OR9Q1: variants seen among roughly 807,000 people sequenced by gnomAD.
The protein encoded by OR9Q1 is olfactory receptor family 9 subfamily Q member 1, also known as olfactory receptor 9Q1.
For missense variants in OR9Q1, 374 were observed against 378.8 expected, an observed-to-expected ratio of 0.99 and a Z score of 0.11; for synonymous variants, 153 against 148.6, an observed-to-expected ratio of 1.03 and a Z score of -0.22.
intron 1 of OR9Q1, among the ~76,000 whole-genome samples, chr11:58,026,458 G>C (rs1021334080): frequency 4.6e-5 from 7 of 152,048 alleles, no homozygotes; most frequent in Non-Finnish European, 8.8e-5. Context: ...GAGGTGAGTG[G>C]ATCATTTGAG....
At chr11:58,125,672 A>T (rs777102924) in intron 2 of OR9Q1, 7 of 152,214 alleles carry the variant, frequency 4.6e-5, no homozygotes, top group Non-Finnish European at 8.8e-5. Context: ...GACCTGGGAC[A>T]GCCCCTGGGA....
intron 2 of OR9Q1, among the ~76,000 whole-genome samples, chr11:58,136,432 C>G (rs934420356): frequency 2.0e-5 from 3 of 152,150 alleles, no homozygotes; most frequent in Admixed American, 1.3e-4. Context: ...ATTTTCCCAG[C>G]AACTCAGTTG....
intron 2 of OR9Q1, among the ~76,000 whole-genome samples, chr11:58,120,568 CACTGA>C (rs1446873524): frequency 2.0e-5 from 3 of 151,766 alleles, no homozygotes; most frequent in Non-Finnish European, 4.4e-5. Flanking sequence ...GAGCAGTATA[CACTGA>C]ACTCAATTTG....
At position 58,180,343 on chromosome 11, in the gene OR9Q1, T is replaced by A; in HGVS notation, c.899T>A (p.Leu300Gln). 6.3e-7 allele frequency: 1 copy of A among 1,597,592 alleles called. No individual in the cohort carries two copies. Among genetic ancestry groups the A allele is most frequent in the African/African-American group, 1.3e-5 (1 of 74,612 alleles). The part of the protein sequence containing the change: ...SLRNKEVKEA[L>Q]RKILNRAKLS ...AGGAACAAGGAAGTGAAGGAGGCCC[T>A]GAGAAAAATTCTCAATAGAGCCAAG... The change falls in exon 3 of 3, where the codon CTG becomes CAG. Residue 300 changes from leucine to glutamine, a missense_variant. Leu to Gln is a moderately radical substitution (Grantham distance 113). Coordinates refer to ENST00000335397, the MANE Select transcript of OR9Q1 (RefSeq NM_001005212.4).
chr11:58,119,150 C>A (rs577652470), intron 2 of OR9Q1: 1 of 1,613,978 alleles, frequency 6.2e-7, no homozygotes, highest in Admixed American at 1.7e-5. Context: ...AAGAACTGGG[C>A]AGCACAGTGG....
At chr11:58,121,397 T>C (rs1324053206) in intron 2 of OR9Q1, among the ~76,000 whole-genome samples, 3 of 152,178 alleles carry the variant, frequency 2.0e-5, no homozygotes, top group Non-Finnish European at 2.9e-5. Flanking sequence ...CTCTTTTTTT[T>C]CCCAAAGTCA....
intron 1 of OR9Q1, among the ~76,000 whole-genome samples, chr11:58,032,916 A>G (rs1055333152): frequency 2.0e-5 from 3 of 152,210 alleles, no homozygotes; most frequent in Admixed American, 1.3e-4. Flanking sequence ...CAAGAAAAAA[A>G]CAATTAATCC....
intron 1 of OR9Q1, among the ~76,000 whole-genome samples, chr11:58,027,729 A>G (rs921132): frequency 0.33 from 50,613 of 151,950 alleles, 8,866 homozygotes; most frequent in East Asian, 0.69. Context: ...CTCATTGCCT[A>G]GATGCAAGGG....
intron 2 of OR9Q1, among the ~76,000 whole-genome samples, chr11:58,089,638 C>T (rs1442480219): frequency 1.3e-5 from 2 of 151,788 alleles, no homozygotes; most frequent in African/African-American, 4.9e-5. Context: ...TATGTGGGCT[C>T]TTTTTTGGTT....
chr11:58,028,022 C>G (rs1197602601), intron 1 of OR9Q1, among the ~76,000 whole-genome samples: 2 of 150,730 alleles, frequency 1.3e-5, no homozygotes, highest in African/African-American at 4.9e-5. Context: ...GTACCAGGCC[C>G]TGAGATAGAT....
intron 2 of OR9Q1, among the ~76,000 whole-genome samples, chr11:58,174,332 T>C (rs1042652000): frequency 7.9e-5 from 12 of 152,126 alleles, no homozygotes; most frequent in African/African-American, 2.9e-4. Context: ...TGAATCAAGC[T>C]GCAGCTTGGT....
chr11:58,177,867 C>T (rs960146731), intron 2 of OR9Q1, among the ~76,000 whole-genome samples: 1 of 152,118 alleles, frequency 6.6e-6, no homozygotes, highest in Non-Finnish European at 1.5e-5. Context: ...GTGCTCTGAC[C>T]AGGGAAGGCA....
chr11:58,119,394 A>T, intron 2 of OR9Q1: 1 of 1,613,808 alleles, frequency 6.2e-7, no homozygotes, highest in Non-Finnish European at 8.5e-7. Flanking sequence ...GGTGGTCCAT[A>T]AAGCCCATGA....
intron 2 of OR9Q1, among the ~76,000 whole-genome samples, chr11:58,112,203 G>T (rs1853908250): frequency 6.6e-6 from 1 of 151,996 alleles, no homozygotes; most frequent in Non-Finnish European, 1.5e-5. Flanking sequence ...TGAGGCAGGA[G>T]AATTTCTTGA....
intron 2 of OR9Q1, chr11:58,075,531 G>C (rs760605756): frequency 6.6e-6 from 1 of 152,332 alleles, no homozygotes; most frequent in South Asian, 2.1e-4. Flanking sequence ...CATGATAGCA[G>C]AACCTTGATG....
chr11:58,060,487 T>TG (rs1447737231), intron 2 of OR9Q1, among the ~76,000 whole-genome samples: 1 of 152,140 alleles, frequency 6.6e-6, no homozygotes, highest in African/African-American at 2.4e-5. Flanking sequence ...TAAGGAAAGC[T>TG]GGGAGGCTTT....
intron 1 of OR9Q1, among the ~76,000 whole-genome samples, chr11:58,026,281 T>C (rs1253880735): frequency 6.6e-6 from 1 of 152,208 alleles, no homozygotes; most frequent in Non-Finnish European, 1.5e-5. Context: ...AACAAATTAA[T>C]AGGTTCAAAA....
chr11:58,080,808 C>T lies in OR9Q1; in HGVS notation c.-15+24861C>T, dbSNP rs566521059. 3.9e-5 allele frequency among the ~76,000 whole-genome samples: 6 copies of T among 152,186 alleles called. No homozygotes were observed. In the South Asian group the frequency reaches 8.3e-4, roughly 21 times the overall value. ...TGTGTCCATCTGAGAAATGTCGGCT[C>T]ATGTCCTTGGACCATTTTTTAAAAA... On this transcript the variant is annotated intron_variant, in intron 2 of 2. Transcript: ENST00000335397.
At chr11:58,137,396 T>C (rs976011227) in intron 2 of OR9Q1, among the ~76,000 whole-genome samples, 1 of 152,156 alleles carries the variant, frequency 6.6e-6, no homozygotes, top group Non-Finnish European at 1.5e-5. Flanking sequence ...CCTGAGCATC[T>C]CTTCTACCCT....
Sources: allele counts gnomAD v4.1 joint callset (sites outside exome capture counted in the v4.1 genomes callset), GRCh38; gene constraint gnomAD v4.1.1; transcripts MANE v1.5; gene names NCBI Gene and HGNC (gene_info 2026-07-23, HGNC 2026-07-21).